The following SYT14 variants were observed in gnomAD, a reference collection of about 807,000 sequenced individuals.
SYT14 encodes synaptotagmin 14.
A neutral mutation model predicts 74.2 loss-of-function variants in SYT14; 32 were observed. The observed-to-expected ratio is 0.43, with a 90% CI of 0.33 to 0.58. The LOEUF (loss-of-function observed/expected upper bound fraction) is 0.58, where lower values mean the gene tolerates loss of function less well. SYT14 is among the 20% of genes least tolerant of loss of function. SYT14 has a pLI of 0.05. For missense variants in SYT14, 791 were observed against 981.8 expected (o/e 0.81, Z 2.60); for synonymous variants, 298 against 337.7 (o/e 0.88, Z 1.29).
intron 5 of SYT14, among the ~76,000 whole-genome samples, chr1:210,049,726 G>A (rs564744264): frequency 1.4e-4 from 22 of 152,198 alleles, no homozygotes; most frequent in Admixed American, 3.3e-4. Context: ...CTTGACTTCC[G>A]TGTACTCACA....
chr1:209,993,382 A>T (rs1389873731), intron 2 of SYT14, among the ~76,000 whole-genome samples: 1 of 152,106 alleles, frequency 6.6e-6, no homozygotes, highest in African/African-American at 2.4e-5. Flanking sequence ...TTCTTTTCCT[A>T]GTGGCCCAGA....
chr1:210,078,750 A>AT (rs60254735), intron 5 of SYT14, among the ~76,000 whole-genome samples: 30,113 of 144,372 alleles, frequency 0.21, 6,993 homozygotes, highest in African/African-American at 0.54. Flanking sequence ...ATACGTATGA[A>AT]TTTTTTTTTT....
chr1:210,027,291 T>C (rs1037857820), intron 5 of SYT14, among the ~76,000 whole-genome samples: 3 of 152,158 alleles, frequency 2.0e-5, no homozygotes, highest in Non-Finnish European at 4.4e-5. Context: ...GGCCCATGCC[T>C]GTAACCTTAA....
chr1:210,043,094 T>C (rs950947119), intron 5 of SYT14, among the ~76,000 whole-genome samples: 3 of 152,174 alleles, frequency 2.0e-5, no homozygotes, highest in Admixed American at 1.3e-4. Flanking sequence ...TATTCCTAGG[T>C]ATTTTATTCT....
At position 209,938,249 on chromosome 1, in the gene SYT14, C is replaced by CCATGGCGAGCGCAT. The variant is rs1160605007; in HGVS notation, c.-553_-540dup. On this transcript the variant is annotated 5_prime_UTR_variant, in exon 1 of 10. The change creates a new upstream start codon in the 5' untranslated region. Transcript: ENST00000637265. Reference sequence around the variant, plus strand: ...GCCCCCGCCATCCAGTTGGTGCGGTCCATGGCGAGCGCATCATGGCGATTG... The same window carrying CCATGGCGAGCGCAT: ...GCCCCCGCCATCCAGTTGGTGCGGTCCATGGCGAGCGCATCATGGCGAGCGCATCATGGCGATTG... The CCATGGCGAGCGCAT allele has an allele frequency of 6.4e-7, 1 of 1,557,214 alleles. No individual in the cohort carries two copies.
chr1:210,161,222 T>C, exon 10 of SYT14: 1 of 720,634 alleles, frequency 1.4e-6, no homozygotes, highest in East Asian at 2.7e-5. Flanking sequence ...AGAAAATATG[T>C]GTATCTAGTA....
In SYT14 at chr1:210,059,427, A is replaced by AATATATATAT. The variant is rs374307953; in HGVS notation, c.1313-34879_1313-34870dup. On this transcript the variant is annotated intron_variant, in intron 5 of 9. Transcript: ENST00000637265. ...CTGTATATGCATGATGACAAGAAAG[A>AATATATATAT]ATATATATATATATATATATATATA... Among the ~76,000 whole-genome samples, 309 of 79,938 alleles carry AATATATATAT rather than the reference A, an allele frequency of 3.9e-3. 5 individuals carry two copies. Among genetic ancestry groups the AATATATATAT allele is most frequent in the East Asian group, 8.6e-3 (17 of 1,984 alleles). 52.4% of individuals were successfully genotyped at this position (79,938 alleles called of 152,430 possible).
chr1:210,026,875 A>G (rs1481916445), intron 5 of SYT14, among the ~76,000 whole-genome samples: 2 of 152,050 alleles, frequency 1.3e-5, no homozygotes, highest in African/African-American at 4.8e-5. Flanking sequence ...ATTTCTTTGC[A>G]AAGTGGAAAA....
intron 1 of SYT14, among the ~76,000 whole-genome samples, chr1:209,944,443 A>G (rs1175858965): frequency 6.6e-6 from 1 of 152,190 alleles, no homozygotes; most frequent in Non-Finnish European, 1.5e-5. Flanking sequence ...ATTCATAGGA[A>G]CTTATGTGGA....
intron 2 of SYT14, among the ~76,000 whole-genome samples, chr1:209,979,294 G>A (rs533365708): frequency 3.9e-5 from 6 of 152,238 alleles, no homozygotes; most frequent in African/African-American, 7.2e-5. Flanking sequence ...CTTCTGCGTC[G>A]CTCACACTGG....
At chr1:210,086,998 C>G (rs1280804049) in intron 5 of SYT14, among the ~76,000 whole-genome samples, 1 of 152,204 alleles carries the variant, frequency 6.6e-6, no homozygotes, top group Non-Finnish European at 1.5e-5. Context: ...GCCCCCTTCA[C>G]TCTGTTTGAG....
intron 7 of SYT14, among the ~76,000 whole-genome samples, chr1:210,133,554 G>GA (rs760336154): frequency 5.3e-5 from 8 of 152,184 alleles, no homozygotes; most frequent in Non-Finnish European, 8.8e-5. Context: ...CAGTAATGGT[G>GA]AATCTGATAG....
intron 5 of SYT14, among the ~76,000 whole-genome samples, chr1:210,050,819 T>G (rs1489665472): frequency 6.6e-6 from 1 of 152,172 alleles, no homozygotes; most frequent in Non-Finnish European, 1.5e-5. Context: ...CCCATATAAT[T>G]CAATCCCTTT....
chr1:210,022,060 A>G lies in SYT14; in HGVS notation c.1312+806A>G, dbSNP rs564633352. On this transcript the variant is annotated intron_variant, in intron 5 of 9. Transcript: ENST00000637265. ...TACTCATCATGATTATTATCTTTATACCCAGATATGAGGGACAGAATAATA... is the reference window on the plus strand; with the variant it reads ...TACTCATCATGATTATTATCTTTATGCCCAGATATGAGGGACAGAATAATA... Among the ~76,000 whole-genome samples the G allele has an allele frequency of 3.1e-4, 47 of 152,296 alleles. No homozygotes were observed. The South Asian group carries it at 5.0e-3, about 16-fold the overall frequency.
chr1:210,052,686 C>CAAAAAAAAAAAAAAAA (rs2081024315), intron 5 of SYT14, among the ~76,000 whole-genome samples: 1 of 53,774 alleles, frequency 1.9e-5, no homozygotes, highest in Non-Finnish European at 3.4e-5. Context: ...AAAAAAAAAG[C>CAAAAAAAAAAAAAAAA]TCTCCAAGCA....
At chr1:209,991,943 C>T (rs2079696576) in intron 2 of SYT14, among the ~76,000 whole-genome samples, 1 of 152,056 alleles carries the variant, frequency 6.6e-6, no homozygotes, top group South Asian at 2.1e-4. Context: ...AAGCAGTTTG[C>T]AGATTTCTCA....
chr1:210,046,793 T>A (rs1423530678), intron 5 of SYT14, among the ~76,000 whole-genome samples: 1 of 152,198 alleles, frequency 6.6e-6, no homozygotes, highest in Non-Finnish European at 1.5e-5. Context: ...TCCAGTTTTT[T>A]ACTATTAGGA....
At chr1:209,961,941 G>A (rs897422169) in intron 2 of SYT14, among the ~76,000 whole-genome samples, 2 of 152,024 alleles carry the variant, frequency 1.3e-5, no homozygotes, top group Non-Finnish European at 2.9e-5. Flanking sequence ...GTGGCTCCTA[G>A]TATGAAAAAT....
chr1:209,970,390 T>C (rs2079230183), intron 2 of SYT14, among the ~76,000 whole-genome samples: 1 of 152,116 alleles, frequency 6.6e-6, no homozygotes, highest in South Asian at 2.1e-4. Context: ...CCTTTATTTC[T>C]GGGTTGTCTG....
Sources: gnomAD v4.1 joint callset for allele counts (sites outside exome capture counted in the v4.1 genomes callset) on GRCh38, gnomAD v4.1.1 for gene constraint, MANE v1.5 for transcripts, NCBI Gene and HGNC (gene_info 2026-07-23, HGNC 2026-07-21) for gene names.